Variants in CASQ2 observed in about 807,000 individuals in gnomAD.
CASQ2 encodes the protein calsequestrin 2.
In CASQ2, 49 loss-of-function variants were observed where a neutral mutation model predicts 46.5. The observed-to-expected ratio is 1.05, with a 90% CI of 0.84 to 1.34. The LOEUF (loss-of-function observed/expected upper bound fraction) is 1.34. Ranked by LOEUF, CASQ2 falls within the 40% of genes most tolerant of loss-of-function variation. The probability of loss-of-function intolerance (pLI) is 0.00; values close to 1 mark genes in which losing one functional copy is unlikely to be tolerated. For synonymous variants in CASQ2, 174 were observed against 168.5 expected, an observed-to-expected ratio of 1.03 and a Z score of -0.25; for missense variants, 486 against 481.3, an observed-to-expected ratio of 1.01 and a Z score of -0.09.
chr1:115,754,738 T>C (rs188978811), intron 1 of CASQ2, among the ~76,000 whole-genome samples: 16 of 152,346 alleles, frequency 1.1e-4, no homozygotes, highest in African/African-American at 3.8e-4. Context: ...TTGCAACTTA[T>C]CAGCTGTGAG....
intron 1 of CASQ2, among the ~76,000 whole-genome samples, chr1:115,761,445 GA>G: frequency 9.6e-5 from 1 of 10,456 alleles, no homozygotes. Flanking sequence ...GAAGAAAGAA[GA>G]AGAAGAAGAA....
chr1:115,726,947 T>TGCCCCCACCCCCCCCC, intron 6 of CASQ2, 45 bp downstream of exon 6: 17 of 1,036,518 alleles, frequency 1.6e-5, no homozygotes, highest in East Asian at 2.7e-5. Context: ...TCCTCTCCAT[T>TGCCCCCACCCCCCCCC]CCCCAGACCC....
At chr1:115,718,046 C>G in intron 7 of CASQ2, 152 bp from the exon 8 acceptor site, 1 of 701,890 alleles carries the variant, frequency 1.4e-6, no homozygotes, top group South Asian at 1.5e-5. Flanking sequence ...AGGAGTACAG[C>G]GGGGCTCACA....
chr1:115,743,485 C>G (rs994685333), intron 2 of CASQ2, among the ~76,000 whole-genome samples: 1 of 152,148 alleles, frequency 6.6e-6, no homozygotes, highest in African/African-American at 2.4e-5. Context: ...CTCAAGCAAT[C>G]CTCTGCCCTT....
intron 1 of CASQ2, among the ~76,000 whole-genome samples, chr1:115,749,433 A>C (rs1460059486): frequency 6.6e-6 from 1 of 152,208 alleles, no homozygotes; most frequent in Admixed American, 6.5e-5. Flanking sequence ...TGGTTAACTA[A>C]ATACAGCCAA....
intron 1 of CASQ2, among the ~76,000 whole-genome samples, chr1:115,747,351 C>A (rs116628962): frequency 6.6e-6 from 1 of 152,104 alleles, no homozygotes; most frequent in Non-Finnish European, 1.5e-5. Context: ...CCTCTGCCAA[C>A]ACCACATAGT....
At chr1:115,725,681 C>T in intron 6 of CASQ2, 128 bp from the exon 7 acceptor site, 1 of 1,172,508 alleles carries the variant, frequency 8.5e-7, no homozygotes, top group Non-Finnish European at 1.2e-6. Flanking sequence ...GCAGGGAGAG[C>T]CCTAAAAACC....
At chr1:115,746,162 T>G (rs929113231) in intron 1 of CASQ2, among the ~76,000 whole-genome samples, 2 of 19,218 alleles carry the variant, frequency 1.0e-4, no homozygotes, top group African/African-American at 1.2e-4. Flanking sequence ...CGATACGCTG[T>G]TTTTTTTTTT....
At chr1:115,704,536 C>T (rs1205488126) in intron 9 of CASQ2, among the ~76,000 whole-genome samples, 1 of 152,176 alleles carries the variant, frequency 6.6e-6, no homozygotes. Flanking sequence ...TGCTTATTAT[C>T]AGTACCAGTA....
intron 1 of CASQ2, among the ~76,000 whole-genome samples, chr1:115,758,936 C>A (rs9428223): frequency 0.9 from 137,637 of 152,220 alleles, 62,354 homozygotes; most frequent in East Asian, 0.97. Context: ...AAATGTACTG[C>A]AAGAAGGGGT....
intron 1 of CASQ2, among the ~76,000 whole-genome samples, chr1:115,751,017 C>T (rs144246280): frequency 6.8e-6 from 1 of 146,238 alleles, no homozygotes; most frequent in East Asian, 2.0e-4. Flanking sequence ...GAATCAGAGA[C>T]CCGTATTATT....
At chr1:115,758,723 C>G (rs1648842604) in intron 1 of CASQ2, among the ~76,000 whole-genome samples, 1 of 152,190 alleles carries the variant, frequency 6.6e-6, no homozygotes, top group Non-Finnish European at 1.5e-5. Context: ...CACCTTTTCT[C>G]TCTCTCTCGC....
At chr1:115,768,175 C>T (rs1043188712) in intron 1 of CASQ2, 133 bp downstream of exon 1, 29 of 709,314 alleles carry the variant, frequency 4.1e-5, no homozygotes, top group Admixed American at 1.6e-4. Flanking sequence ...ATCTGATTCA[C>T]GTGAGGCCAA....
intron 10 of CASQ2, 119 bp downstream of exon 10, chr1:115,702,802 G>T (rs573972016): frequency 3.8e-6 from 3 of 794,788 alleles, no homozygotes; most frequent in African/African-American, 1.7e-5. Flanking sequence ...CCTTGAGCAG[G>T]ACCCCTGCCC....
chr1:115,707,992 G>A lies in CASQ2; in HGVS notation c.839-2700C>T, dbSNP rs143997549. Among the ~76,000 whole-genome samples, 722 of 152,268 alleles carry A rather than the reference G, an allele frequency of 4.7e-3. 6 individuals carry two copies. Among genetic ancestry groups the A allele is most frequent in the African/African-American group, 0.017 (686 of 41,546 alleles). On this transcript the variant is annotated intron_variant, in intron 8 of 10. Coordinates refer to ENST00000261448, the MANE Select transcript of CASQ2 (RefSeq NM_001232.4). ...CAGAACTATAAGCTGAATACACAAC[G>A]GAGCACTGTTGTTTTCTTATGGGAA...
At chr1:115,703,556 C>T (rs377235857) in intron 9 of CASQ2, among the ~76,000 whole-genome samples, 23 of 151,914 alleles carry the variant, frequency 1.5e-4, no homozygotes, top group African/African-American at 4.6e-4. Context: ...CTAGTGGGGA[C>T]TAGGGATATT....
chr1:115,702,837 T>A, intron 10 of CASQ2, 84 bp downstream of exon 10: 2 of 1,077,160 alleles, frequency 1.9e-6, no homozygotes, highest in South Asian at 1.3e-5. Flanking sequence ...TGGGCTACTA[T>A]AGATGCTCTC....
intron 4 of CASQ2, among the ~76,000 whole-genome samples, chr1:115,736,355 G>T (rs1647959402): frequency 6.6e-6 from 1 of 151,798 alleles, no homozygotes; most frequent in South Asian, 2.1e-4. Flanking sequence ...CTATATCCTG[G>T]GTTGGGCACA....
At chr1:115,713,792 C>A (rs540208190) in intron 8 of CASQ2, among the ~76,000 whole-genome samples, 1 of 152,292 alleles carries the variant, frequency 6.6e-6, no homozygotes, top group East Asian at 1.9e-4. Context: ...CCTGCACTGG[C>A]TGGGGCATTG....
Sources: gnomAD v4.1 joint callset for allele counts (sites outside exome capture counted in the v4.1 genomes callset) on GRCh38, gnomAD v4.1.1 for gene constraint, MANE v1.5 for transcripts, NCBI Gene and HGNC (gene_info 2026-07-23, HGNC 2026-07-21) for gene names.